Variants in ERMARD observed in about 807,000 individuals in gnomAD.
ERMARD encodes ER membrane associated RNA degradation, also known as endoplasmic reticulum membrane-associated RNA degradation protein.
A neutral mutation model predicts 83.9 loss-of-function variants in ERMARD; 71 were observed. That is an observed-to-expected ratio of 0.85 (90% CI 0.70 to 1.03). The LOEUF (loss-of-function observed/expected upper bound fraction) is 1.03. Among genes scored for constraint, ERMARD ranks in the 50% least tolerant of loss-of-function variants. The probability of loss-of-function intolerance (pLI) is 0.00; values close to 1 mark genes in which losing one functional copy is unlikely to be tolerated. For missense variants in ERMARD, 838 were observed against 810.9 expected, an observed-to-expected ratio of 1.03 and a Z score of -0.41; for synonymous variants, 284 against 298.6, an observed-to-expected ratio of 0.95 and a Z score of 0.50.
At chr6:169,768,701 G>C (rs1792516108) in intron 11 of ERMARD, among the ~76,000 whole-genome samples, 3 of 152,184 alleles carry the variant, frequency 2.0e-5, no homozygotes, top group Admixed American at 2.0e-4. Flanking sequence ...AGGAGGCAGA[G>C]GTTGCAGTGA....
chr6:169,777,800 G>A (rs1169839694), intron 16 of ERMARD, among the ~76,000 whole-genome samples: 1 of 147,022 alleles, frequency 6.8e-6, no homozygotes, highest in Non-Finnish European at 1.5e-5. Flanking sequence ...CAGCTCCAGC[G>A]CCAACAGGAA....
rs113550806 is a variant in ERMARD, at chr6:169,759,815, CAG to C, written c.606-21_606-20del. 1.8e-3 allele frequency: 2,897 copies of C among 1,592,606 alleles called. 43 individuals carry two copies. The African/African-American group carries it at 0.032, about 18-fold the overall frequency. ...GGCATGATTGAGTACATTTTTGTAA[CAG>C]ATCTCTATGGTATTTCCTAGATACT... On this transcript the variant is annotated intron_variant, in intron 6 of 17. Coordinates refer to ENST00000366773, the MANE Select transcript of ERMARD (RefSeq NM_018341.3).
At chr6:169,751,432 C>T (rs1216804865), upstream of ERMARD, 1 of 1,614,028 alleles carries the variant, frequency 6.2e-7, no homozygotes, top group African/African-American at 1.3e-5. Flanking sequence ...TGGGGCTCGA[C>T]TTCACGCCTC....
rs766512130 is a variant in ERMARD, at chr6:169,755,386, A to G, written c.279A>G (p.Arg93=). ...TGACCAAGGGGCAATTTGAAATTCG[A>G]TATGCACCGTGGTTCCAGTGGACAA... ...LSLTKGQFEI[R]YAPWFQWTSF... The change falls in exon 3 of 18, where the codon CGA becomes CGG. Residue 93 remains arginine, a synonymous_variant. Coordinates refer to ENST00000366773, the MANE Select transcript of ERMARD (RefSeq NM_018341.3). 2 of 1,614,124 alleles carry G rather than the reference A, an allele frequency of 1.2e-6. No homozygotes were observed. Among genetic ancestry groups the G allele is most frequent in the Non-Finnish European group, 1.7e-6 (2 of 1,180,026 alleles).
At chr6:169,765,032 G>T (rs1792028320) in intron 9 of ERMARD, among the ~76,000 whole-genome samples, 1 of 152,230 alleles carries the variant, frequency 6.6e-6, no homozygotes, top group Non-Finnish European at 1.5e-5. Flanking sequence ...CCCATGCCCA[G>T]TGCCTTCCAT....
At chr6:169,760,084 C>T in intron 7 of ERMARD, 110 bp downstream of exon 7, 2 of 1,531,946 alleles carry the variant, frequency 1.3e-6, no homozygotes, top group Non-Finnish European at 8.7e-7. Context: ...AGTTGTTCTT[C>T]AGTAGTCGGA....
intron 9 of ERMARD, among the ~76,000 whole-genome samples, chr6:169,766,283 G>A (rs564680359): frequency 1.0e-3 from 158 of 152,326 alleles, no homozygotes; most frequent in Non-Finnish European, 1.8e-3. Flanking sequence ...GAGAAAATAG[G>A]AAGCTGTGCT....
chr6:169,766,171 T>G (rs1164671344), intron 9 of ERMARD, among the ~76,000 whole-genome samples: 1 of 152,244 alleles, frequency 6.6e-6, no homozygotes, highest in East Asian at 1.9e-4. Context: ...AATGTTGCAG[T>G]TGGGATCAGA....
chr6:169,780,749 A>G (rs1794112887), intron 17 of ERMARD, among the ~76,000 whole-genome samples: 1 of 152,220 alleles, frequency 6.6e-6, no homozygotes, highest in Non-Finnish European at 1.5e-5. Context: ...CCACTTGTCC[A>G]GGGAGCTTTT....
intron 1 of ERMARD, among the ~76,000 whole-genome samples, chr6:169,752,569 G>A (rs1280893033): frequency 6.6e-6 from 1 of 152,176 alleles, no homozygotes; most frequent in Non-Finnish European, 1.5e-5. Flanking sequence ...TCGAAAACCA[G>A]GGCTGAGAGT....
chr6:169,776,754 GAC>G, intron 16 of ERMARD, 81 bp downstream of exon 16: 1 of 1,486,068 alleles, frequency 6.7e-7, no homozygotes, highest in African/African-American at 1.4e-5. Flanking sequence ...CTCACTTCCA[GAC>G]ACACACAGTA....
At chr6:169,752,390 A>G (rs1790239677) in intron 1 of ERMARD, among the ~76,000 whole-genome samples, 1 of 152,200 alleles carries the variant, frequency 6.6e-6, no homozygotes. Context: ...TCAGAGGCTG[A>G]GGAATGATTC....
At chr6:169,780,024 G>GC (rs1279598298) in intron 17 of ERMARD, among the ~76,000 whole-genome samples, 10 of 152,214 alleles carry the variant, frequency 6.6e-5, no homozygotes, top group African/African-American at 2.4e-4. Context: ...CCAGTGCTTT[G>GC]CAGGTGCCAG....
At chr6:169,766,781 A>T in intron 10 of ERMARD, 114 bp downstream of exon 10, 1 of 1,188,816 alleles carries the variant, frequency 8.4e-7, no homozygotes, top group Non-Finnish European at 1.1e-6. Context: ...CTTACAGGAA[A>T]ATGTCCATAG....
intron 2 of ERMARD, among the ~76,000 whole-genome samples, chr6:169,754,708 T>A (rs1790572595): frequency 2.0e-5 from 3 of 152,320 alleles, no homozygotes; most frequent in Admixed American, 2.0e-4. Flanking sequence ...GTCTCTGAGC[T>A]AAGTTGGAAA....
At chr6:169,764,137 C>T (rs947228885) in intron 9 of ERMARD, among the ~76,000 whole-genome samples, 4 of 152,178 alleles carry the variant, frequency 2.6e-5, no homozygotes, top group African/African-American at 9.7e-5. Context: ...ACCTTGTGCT[C>T]TTCCTGTCCA....
chr6:169,775,924 A>AT lies in ERMARD; in HGVS notation c.1395-12dup. The AT allele has an allele frequency of 6.2e-7, 1 of 1,613,526 alleles. No homozygotes were observed. The highest frequency in any genetic ancestry group is 1.3e-5 in the African/African-American group (1 of 75,000). On this transcript the variant is annotated splice_polypyrimidine_tract_variant and intron_variant, in intron 14 of 17. Transcript: ENST00000366773. ...CTTTAATTGTCACGTATCTTTAAAT[A>AT]TTTTCTGTTTTTCAGATTAGAAGAT...
rs1790876376 is a variant in ERMARD, at chr6:169,756,822, TCTAAACTC to T, written c.507+15_507+22del. The T allele has an allele frequency of 1.2e-6, 2 of 1,610,934 alleles. No individual in the cohort carries two copies. Among genetic ancestry groups the T allele is most frequent in the East Asian group, 4.5e-5 (2 of 44,864 alleles). On this transcript the variant is annotated intron_variant, in intron 5 of 17. Coordinates refer to ENST00000366773, the MANE Select transcript of ERMARD (RefSeq NM_018341.3). ...AGTCAGTCTGTGGTAAGCTTGTTCATCTAAACTCATGGAGTATATTAGTCCGTTTTCAT... is the reference window on the plus strand; with the variant it reads ...AGTCAGTCTGTGGTAAGCTTGTTCATATGGAGTATATTAGTCCGTTTTCAT...
At position 169,781,384 on chromosome 6, in the gene ERMARD, C is replaced by G. The variant is rs151319719; in HGVS notation, c.1908C>G (p.Tyr636Ter). ...YTENLVAYTS[Y>*]EKNKWNETIN... is the part of the protein sequence containing the mutation. ...AGAACCTGGTGGCTTACACCAGTTA[C>G]GAAAAGAACAAGTGGAATGAAACTA... Residue 636 changes from tyrosine (Y) to a stop codon, truncating the protein, a stop_gained, in exon 18 of 18, where the codon TAC becomes TAG. Transcript: ENST00000366773. LOFTEE classifies it low-confidence loss of function (END_TRUNC). 6.2e-7 allele frequency: 1 copy of G among 1,612,506 alleles called. No individual in the cohort carries two copies.
Sources: allele counts gnomAD v4.1 joint callset (sites outside exome capture counted in the v4.1 genomes callset), GRCh38; gene constraint gnomAD v4.1.1; transcripts MANE v1.5; gene names NCBI Gene and HGNC (gene_info 2026-07-23, HGNC 2026-07-21).